Variants in RAB3C observed in about 807,000 individuals in gnomAD.
The protein encoded by RAB3C is ras-related protein Rab-3C.
In RAB3C, 17 loss-of-function variants were observed where a neutral mutation model predicts 26.4. The ratio of observed to expected loss-of-function variants is 0.64; its 90% CI spans 0.44 to 0.97. The LOEUF is 0.97. RAB3C is among the 50% of genes least tolerant of loss of function. The pLI is 0.00. For synonymous variants in RAB3C, 91 were observed against 95.9 expected (o/e 0.95, Z 0.30); for missense variants, 242 against 281.9 (o/e 0.86, Z 1.01).
intron 2 of RAB3C, among the ~76,000 whole-genome samples, chr5:58,697,910 G>A (rs1026420405): frequency 5.9e-5 from 9 of 152,102 alleles, no homozygotes; most frequent in Admixed American, 5.2e-4. Context: ...GGGGCATTTA[G>A]CCCATTTACA....
intron 4 of RAB3C, among the ~76,000 whole-genome samples, chr5:58,837,689 G>A (rs1185400466): frequency 6.6e-6 from 1 of 151,152 alleles, no homozygotes; most frequent in Non-Finnish European, 1.5e-5. Flanking sequence ...CTCCCAAGTA[G>A]CTGGAAGTAC....
chr5:58,656,560 C>T (rs1459573087), intron 2 of RAB3C, among the ~76,000 whole-genome samples: 1 of 152,102 alleles, frequency 6.6e-6, no homozygotes, highest in East Asian at 1.9e-4. Flanking sequence ...CAATAAGTCA[C>T]AATAAAGTTA....
At chr5:58,732,145 C>T (rs1222496958) in intron 3 of RAB3C, among the ~76,000 whole-genome samples, 1 of 149,736 alleles carries the variant, frequency 6.7e-6, no homozygotes, top group Non-Finnish European at 1.5e-5. Flanking sequence ...TACATGTGCA[C>T]ATTGTACAGG....
At chr5:58,788,710 G>A (rs915258976) in intron 3 of RAB3C, among the ~76,000 whole-genome samples, 1 of 152,140 alleles carries the variant, frequency 6.6e-6, no homozygotes, top group African/African-American at 2.4e-5. Flanking sequence ...TGTGTATAAT[G>A]TTCTTTTCTA....
chr5:58,603,406 G>T (rs1379280935), intron 1 of RAB3C, among the ~76,000 whole-genome samples: 1 of 152,108 alleles, frequency 6.6e-6, no homozygotes, highest in East Asian at 1.9e-4. Context: ...CCCCAAATAT[G>T]TTTTCCAAGC....
At chr5:58,815,041 T>G (rs747700347) in intron 3 of RAB3C, among the ~76,000 whole-genome samples, 1 of 152,176 alleles carries the variant, frequency 6.6e-6, no homozygotes, top group Non-Finnish European at 1.5e-5. Context: ...AACATCCAGT[T>G]CTGCTTGCTT....
At chr5:58,756,584 G>T (rs1741672108) in intron 3 of RAB3C, among the ~76,000 whole-genome samples, 1 of 145,762 alleles carries the variant, frequency 6.9e-6, no homozygotes, top group African/African-American at 2.6e-5. Flanking sequence ...GTGTCCATGT[G>T]TTCTCATTGT....
At chr5:58,784,344 G>A (rs932975580) in intron 3 of RAB3C, among the ~76,000 whole-genome samples, 2 of 152,116 alleles carry the variant, frequency 1.3e-5, no homozygotes, top group East Asian at 1.9e-4. Flanking sequence ...CAATCATGGC[G>A]GAAGACGAAT....
At chr5:58,747,110 GT>G (rs558615637) in intron 3 of RAB3C, among the ~76,000 whole-genome samples, 7 of 151,808 alleles carry the variant, frequency 4.6e-5, no homozygotes, top group Middle Eastern at 3.4e-3. Flanking sequence ...AAATCTTCTG[GT>G]TTTTTTTCTA....
rs1741757839 is a variant in RAB3C, at chr5:58,759,917, A to T, written c.371+33797A>T. Reference sequence around the variant, plus strand: ...ATTTACAGGACGAAAATTAGGCCACAGAGTAAGTGTTGTTCTTCGTTACTA... The same window carrying T: ...ATTTACAGGACGAAAATTAGGCCACTGAGTAAGTGTTGTTCTTCGTTACTA... On this transcript the variant is annotated intron_variant, in intron 3 of 4. Transcript: ENST00000282878. 1.3e-5 allele frequency among the ~76,000 whole-genome samples: 2 copies of T among 152,258 alleles called. 1 individual carries two copies. Among genetic ancestry groups the T allele is most frequent in the South Asian group, 4.1e-4 (2 of 4,834 alleles).
chr5:58,755,870 A>G (rs1387443220), intron 3 of RAB3C, among the ~76,000 whole-genome samples: 4 of 152,236 alleles, frequency 2.6e-5, no homozygotes, highest in African/African-American at 9.6e-5. Flanking sequence ...AAAAGAAGAC[A>G]GTTTAAAAAA....
intron 3 of RAB3C, among the ~76,000 whole-genome samples, chr5:58,748,381 C>T (rs908715490): frequency 6.6e-6 from 1 of 152,106 alleles, no homozygotes. Flanking sequence ...AGAACCTTGG[C>T]TCATTTTTGT....
rs1021751862 is a variant in RAB3C at position 58,851,023 on chromosome 5, C to T, written c.497-141C>T. On this transcript the variant is annotated intron_variant, in intron 4 of 4. Transcript: ENST00000282878. The stretch of plus-strand genomic sequence containing the variant: ...TTGCTTAAATGGTACCTCATGCCCA[C>T]CTCTAATCTCTTACCTACCCCAAAC... 1.3e-5 allele frequency: 9 copies of T among 670,236 alleles called. 1 individual carries two copies. The South Asian group carries it at 2.0e-4, about 15-fold the overall frequency. The allele number at this position is 670,236 out of a possible 1,614,324, so 41.5% of individuals were successfully genotyped here.
At chr5:58,643,695 G>A (rs553843679) in intron 2 of RAB3C, among the ~76,000 whole-genome samples, 1 of 152,232 alleles carries the variant, frequency 6.6e-6, no homozygotes, top group Admixed American at 6.5e-5. Context: ...TTGGAATCCA[G>A]GTTAAATTGG....
chr5:58,840,262 C>G (rs1431572712), intron 4 of RAB3C, among the ~76,000 whole-genome samples: 2 of 151,736 alleles, frequency 1.3e-5, no homozygotes, highest in African/African-American at 4.8e-5. Flanking sequence ...TGTTGAAGCT[C>G]TCAATGGTAA....
chr5:58,830,878 TC>T (rs1325461928), intron 4 of RAB3C, among the ~76,000 whole-genome samples: 7 of 98,248 alleles, frequency 7.1e-5, no homozygotes, highest in South Asian at 7.6e-4. Flanking sequence ...ACGCAATAGG[TC>T]TTTTTTTTTT....
chr5:58,609,557 T>C (rs1368907839), intron 1 of RAB3C, among the ~76,000 whole-genome samples: 2 of 152,108 alleles, frequency 1.3e-5, no homozygotes, highest in African/African-American at 4.8e-5. Flanking sequence ...TTCCTATACA[T>C]AAGCTGAGGG....
At chr5:58,623,392 C>G (rs952656086) in intron 2 of RAB3C, among the ~76,000 whole-genome samples, 1 of 152,208 alleles carries the variant, frequency 6.6e-6, no homozygotes, top group Admixed American at 6.5e-5. Flanking sequence ...AAGGAAACAA[C>G]ACTTTCTGCC....
intron 2 of RAB3C, among the ~76,000 whole-genome samples, chr5:58,696,916 A>C (rs1241076677): frequency 6.6e-6 from 1 of 151,964 alleles, no homozygotes; most frequent in Non-Finnish European, 1.5e-5. Context: ...TTGTGTCTCT[A>C]TCTCTTTCAG....
Sources: allele counts gnomAD v4.1 joint callset (sites outside exome capture counted in the v4.1 genomes callset), GRCh38; gene constraint gnomAD v4.1.1; transcripts MANE v1.5; gene names NCBI Gene and HGNC (gene_info 2026-07-23, HGNC 2026-07-21).